Variants in SLC9A9 observed in about 807,000 individuals in gnomAD.
SLC9A9 encodes the protein sodium/hydrogen exchanger 9.
In SLC9A9, 62 loss-of-function variants were observed where a neutral mutation model predicts 77.8. The observed-to-expected ratio is 0.80, with a 90% CI of 0.65 to 0.98. The LOEUF (loss-of-function observed/expected upper bound fraction) is 0.98, where lower values mean the gene tolerates loss of function less well. Among genes scored for constraint, SLC9A9 ranks in the 50% least tolerant of loss-of-function variants. The pLI is 0.00. For synonymous variants in SLC9A9, 320 were observed against 283.5 expected, an observed-to-expected ratio of 1.13 and a Z score of -1.29; for missense variants, 775 against 774.9, an observed-to-expected ratio of 1.00 and a Z score of 0.00.
In SLC9A9 at chr3:143,838,512, C is replaced by T. The variant is rs112069397; in HGVS notation, c.176-6291G>A. ...TTGCTCTGTTTTAGAGCAGAGGAAA[C>T]AGCATTTAGAGATAATTATTTGAAG... On this transcript the variant is annotated intron_variant, in intron 1 of 15. Coordinates refer to ENST00000316549, the MANE Select transcript of SLC9A9 (RefSeq NM_173653.4). Among the ~76,000 whole-genome samples, 566 of 152,098 alleles carry T rather than the reference C, an allele frequency of 3.7e-3. 5 individuals are homozygous for T. Among genetic ancestry groups the T allele is most frequent in the African/African-American group, 0.013 (544 of 41,470 alleles).
At chr3:143,769,615 A>G (rs890893646) in intron 4 of SLC9A9, among the ~76,000 whole-genome samples, 20 of 152,146 alleles carry the variant, frequency 1.3e-4, no homozygotes, top group Admixed American at 5.9e-4. Flanking sequence ...AAGCTATGCT[A>G]ACTTGTAATT....
intron 11 of SLC9A9, among the ~76,000 whole-genome samples, chr3:143,467,863 T>C (rs1320040704): frequency 6.6e-6 from 1 of 152,196 alleles, no homozygotes; most frequent in Non-Finnish European, 1.5e-5. Context: ...ACCAGTAATC[T>C]ATTCTCTGTT....
At chr3:143,705,723 G>T (rs1005732197) in intron 4 of SLC9A9, among the ~76,000 whole-genome samples, 2 of 152,296 alleles carry the variant, frequency 1.3e-5, no homozygotes, top group Non-Finnish European at 1.5e-5. Context: ...GAGAAGGCAC[G>T]CATGCACACT....
intron 9 of SLC9A9, among the ~76,000 whole-genome samples, chr3:143,514,817 A>G (rs1363047575): frequency 6.6e-6 from 1 of 152,182 alleles, no homozygotes; most frequent in African/African-American, 2.4e-5. Context: ...CAGACCACTA[A>G]AACTTTCTCT....
intron 11 of SLC9A9, among the ~76,000 whole-genome samples, chr3:143,470,361 T>G (rs2035357171): frequency 6.6e-6 from 1 of 151,746 alleles, no homozygotes; most frequent in African/African-American, 2.4e-5. Context: ...ATGCCTGTAA[T>G]CCCAGCTACT....
chr3:143,619,363 A>G (rs1210216446), intron 6 of SLC9A9, among the ~76,000 whole-genome samples: 1 of 152,228 alleles, frequency 6.6e-6, no homozygotes, highest in African/African-American at 2.4e-5. Context: ...AACACTAACT[A>G]ATACTTAGAA....
chr3:143,441,964 T>C (rs981448740), intron 12 of SLC9A9, among the ~76,000 whole-genome samples: 2 of 151,742 alleles, frequency 1.3e-5, no homozygotes, highest in African/African-American at 4.8e-5. Flanking sequence ...TCCATCCTTC[T>C]ACCCACCTGA....
chr3:143,395,732 G>T (rs2033712532), intron 12 of SLC9A9, among the ~76,000 whole-genome samples: 2 of 152,030 alleles, frequency 1.3e-5, no homozygotes, highest in Non-Finnish European at 1.5e-5. Context: ...AATCTACAAA[G>T]AACTCAAACA....
chr3:143,641,056 G>A (rs1370689945), intron 6 of SLC9A9, among the ~76,000 whole-genome samples: 1 of 152,090 alleles, frequency 6.6e-6, no homozygotes, highest in Non-Finnish European at 1.5e-5. Flanking sequence ...TGGATTCCTA[G>A]GTGGGTTGTA....
intron 4 of SLC9A9, among the ~76,000 whole-genome samples, chr3:143,731,261 T>A (rs888738738): frequency 1.3e-5 from 2 of 152,196 alleles, no homozygotes; most frequent in African/African-American, 2.4e-5. Flanking sequence ...AGGAGTTCTG[T>A]TAGCAGCAGG....
At chr3:143,548,574 A>G (rs2036827765) in intron 9 of SLC9A9, among the ~76,000 whole-genome samples, 1 of 152,208 alleles carries the variant, frequency 6.6e-6, no homozygotes, top group Admixed American at 6.5e-5. Context: ...GAATTGCTGC[A>G]TATGTTCATA....
chr3:143,317,916 A>G (rs1012857524), intron 14 of SLC9A9, among the ~76,000 whole-genome samples: 60 of 152,138 alleles, frequency 3.9e-4, no homozygotes, highest in Non-Finnish European at 5.7e-4. Context: ...TTTAGTAGAG[A>G]CGGGGTTTCA....
intron 13 of SLC9A9, among the ~76,000 whole-genome samples, chr3:143,369,621 C>A (rs1445532547): frequency 6.6e-6 from 1 of 151,550 alleles, no homozygotes. Context: ...TAAGTATGTA[C>A]AATTATTACG....
At chr3:143,656,980 A>G (rs964909506) in intron 5 of SLC9A9, among the ~76,000 whole-genome samples, 1 of 152,184 alleles carries the variant, frequency 6.6e-6, no homozygotes, top group Non-Finnish European at 1.5e-5. Context: ...AACTTTTCCC[A>G]CTTTCCTGAA....
rs76471858 is a variant in SLC9A9, at chr3:143,301,970, G to A, written c.1605-32990C>T. Reference sequence around the variant, plus strand: ...AGAACTGCAGAGTGGAAATAAAAGAGGTTCAGAATCCTCATTATCTCAACT... The same window carrying A: ...AGAACTGCAGAGTGGAAATAAAAGAAGTTCAGAATCCTCATTATCTCAACT... On this transcript the variant is annotated intron_variant, in intron 14 of 15. Coordinates refer to ENST00000316549, the MANE Select transcript of SLC9A9 (RefSeq NM_173653.4). 2.6e-3 allele frequency among the ~76,000 whole-genome samples: 397 copies of A among 152,322 alleles called. 3 individuals carry two copies. Among genetic ancestry groups the A allele is most frequent in the African/African-American group, 8.8e-3 (365 of 41,584 alleles).
chr3:143,768,618 A>C (rs1560070905), intron 4 of SLC9A9, among the ~76,000 whole-genome samples: 1 of 152,188 alleles, frequency 6.6e-6, no homozygotes, highest in African/African-American at 2.4e-5. Context: ...AGACACATAG[A>C]TTATGTATAA....
intron 9 of SLC9A9, among the ~76,000 whole-genome samples, chr3:143,525,604 A>G (rs1400272505): frequency 6.6e-6 from 1 of 152,178 alleles, no homozygotes; most frequent in East Asian, 1.9e-4. Flanking sequence ...TAGCATTCAA[A>G]TGTCATCACA....
At chr3:143,381,824 G>A (rs1343189525) in intron 13 of SLC9A9, 3 of 539,770 alleles carry the variant, frequency 5.6e-6, no homozygotes, top group Admixed American at 3.1e-5. Flanking sequence ...AAAGTTTCCA[G>A]ACTTCCTGCT....
chr3:143,834,788 C>G (rs978073679), intron 1 of SLC9A9, among the ~76,000 whole-genome samples: 2 of 152,062 alleles, frequency 1.3e-5, no homozygotes, highest in African/African-American at 4.8e-5. Context: ...CGAGAAGAAG[C>G]ACATTGAAGT....
Sources: allele counts gnomAD v4.1 joint callset (sites outside exome capture counted in the v4.1 genomes callset), GRCh38; gene constraint gnomAD v4.1.1; transcripts MANE v1.5; gene names NCBI Gene and HGNC (gene_info 2026-07-23, HGNC 2026-07-21).